SYT1: variants seen among roughly 807,000 people sequenced by gnomAD.
SYT1 encodes the protein synaptotagmin-1.
Under a neutral mutation model 44.8 loss-of-function variants are expected in SYT1, and 8 were observed. That is an observed-to-expected ratio of 0.18 (90% CI 0.10 to 0.32). SYT1 has a LOEUF of 0.32. Ranked by LOEUF, SYT1 falls within the 10% of genes least tolerant of loss-of-function variation. The pLI is 1.00. For synonymous variants in SYT1, 154 were observed against 188.8 expected, an observed-to-expected ratio of 0.82 and a Z score of 1.51; for missense variants, 286 against 509.3, an observed-to-expected ratio of 0.56 and a Z score of 4.22.
intron 3 of SYT1, among the ~76,000 whole-genome samples, chr12:79,207,688 A>G (rs1284024555): frequency 2.0e-5 from 3 of 152,240 alleles, no homozygotes; most frequent in East Asian, 3.8e-4. Context: ...AAACAAATCT[A>G]GAAAAAAATG....
chr12:78,964,329 C>T (rs1321330000), intron 1 of SYT1, among the ~76,000 whole-genome samples: 2 of 152,086 alleles, frequency 1.3e-5, no homozygotes, highest in African/African-American at 4.8e-5. Flanking sequence ...CTTAAAGCTT[C>T]CCTTTCTTAT....
intron 1 of SYT1, among the ~76,000 whole-genome samples, chr12:78,932,876 A>C (rs11610699): frequency 0.047 from 7,231 of 152,236 alleles, 219 homozygotes; most frequent in Admixed American, 0.083. Flanking sequence ...CATCATTTCA[A>C]TTATAGGCGC....
At chr12:79,052,710 G>A (rs1156232926) in intron 3 of SYT1, among the ~76,000 whole-genome samples, 35 of 152,034 alleles carry the variant, frequency 2.3e-4, no homozygotes, top group East Asian at 1.9e-3. Context: ...ATGAACAGAC[G>A]CTTCTCAAAA....
chr12:79,233,862 A>G (rs554915344), intron 4 of SYT1, among the ~76,000 whole-genome samples: 1 of 152,350 alleles, frequency 6.6e-6, no homozygotes, highest in South Asian at 2.1e-4. Flanking sequence ...CAATTACAGG[A>G]AAACATATAG....
chr12:78,973,941 ATATATATATATATATATATAT>A (rs1565744029), intron 1 of SYT1, among the ~76,000 whole-genome samples: 222 of 10,746 alleles, frequency 0.021, 30 homozygotes, highest in South Asian at 0.026. Flanking sequence ...AAAAAAAAAT[ATATATATATATATATATATAT>A]ATATATATAT....
At chr12:79,099,711 T>A (rs890803746) in intron 3 of SYT1, among the ~76,000 whole-genome samples, 1 of 152,192 alleles carries the variant, frequency 6.6e-6, no homozygotes, top group Admixed American at 6.5e-5. Flanking sequence ...CTGGTATACT[T>A]TGAAATAAAT....
chr12:78,962,228 T>C (rs1879541948), intron 1 of SYT1, among the ~76,000 whole-genome samples: 1 of 152,046 alleles, frequency 6.6e-6, no homozygotes, highest in Admixed American at 6.6e-5. Flanking sequence ...CAAACATACA[T>C]ATGAACTATC....
intron 3 of SYT1, among the ~76,000 whole-genome samples, chr12:79,179,387 G>GATATCGATATCC (rs1872282546): frequency 2.8e-4 from 1 of 3,616 alleles, no homozygotes; most frequent in Non-Finnish European, 5.2e-4. Flanking sequence ...TAGATATATC[G>GATATCGATATCC]ATATAGATAT....
chr12:79,053,118 C>A (rs1199406563), intron 3 of SYT1, among the ~76,000 whole-genome samples: 1 of 152,014 alleles, frequency 6.6e-6, no homozygotes, highest in African/African-American at 2.4e-5. Flanking sequence ...AAATGTCCAA[C>A]AATGATAGAC....
At chr12:79,325,578 G>A (rs1385690937) in intron 8 of SYT1, among the ~76,000 whole-genome samples, 1 of 152,122 alleles carries the variant, frequency 6.6e-6, no homozygotes, top group Non-Finnish European at 1.5e-5. Context: ...TCATTTCTGT[G>A]AAACTTACAG....
At chr12:79,119,517 G>T (rs1203937987) in intron 3 of SYT1, among the ~76,000 whole-genome samples, 1 of 151,832 alleles carries the variant, frequency 6.6e-6, no homozygotes, top group Non-Finnish European at 1.5e-5. Context: ...AGCTGAGAAG[G>T]TCCTTCTTAT....
chr12:79,262,172 T>C (rs144253545), intron 4 of SYT1, among the ~76,000 whole-genome samples: 6 of 152,224 alleles, frequency 3.9e-5, no homozygotes, highest in Non-Finnish European at 8.8e-5. Flanking sequence ...TTCTGGTCAG[T>C]TGTAGTTAAC....
intron 8 of SYT1, among the ~76,000 whole-genome samples, chr12:79,352,151 A>G (rs942018031): frequency 2.0e-5 from 3 of 151,072 alleles, no homozygotes; most frequent in Middle Eastern, 3.4e-3. Context: ...AAAAATTACA[A>G]TCTTTCTCTT....
intron 1 of SYT1, among the ~76,000 whole-genome samples, chr12:78,886,612 G>A (rs1342573776): frequency 6.6e-6 from 1 of 151,970 alleles, no homozygotes; most frequent in Admixed American, 6.6e-5. Context: ...TACTCCTGAT[G>A]TTTTTAATAC....
At chr12:78,999,004 C>T (rs1870555255) in intron 2 of SYT1, among the ~76,000 whole-genome samples, 1 of 152,052 alleles carries the variant, frequency 6.6e-6, no homozygotes, top group Non-Finnish European at 1.5e-5. Flanking sequence ...AAAAAGGTCT[C>T]GTTTGTAGAT....
intron 1 of SYT1, among the ~76,000 whole-genome samples, chr12:78,904,932 T>C (rs929213423): frequency 2.6e-5 from 4 of 152,198 alleles, no homozygotes; most frequent in African/African-American, 9.6e-5. Flanking sequence ...TTTAATAGTT[T>C]GTAATATTGT....
chr12:78,926,949 A>G (rs976137442), intron 1 of SYT1, among the ~76,000 whole-genome samples: 2 of 152,148 alleles, frequency 1.3e-5, no homozygotes, highest in Non-Finnish European at 2.9e-5. Flanking sequence ...AAGTATCTTA[A>G]TAGATACTTA....
At chr12:79,144,385 T>G (rs1160365846) in intron 3 of SYT1, among the ~76,000 whole-genome samples, 1 of 152,248 alleles carries the variant, frequency 6.6e-6, no homozygotes, top group Non-Finnish European at 1.5e-5. Flanking sequence ...CATTTTTCAG[T>G]AAGACGCTTC....
chr12:78,941,180 C>T (rs1331290177), intron 1 of SYT1, among the ~76,000 whole-genome samples: 1 of 148,136 alleles, frequency 6.8e-6, no homozygotes, highest in Non-Finnish European at 1.5e-5. Context: ...TCACGCCATT[C>T]TTCTGCCTCA....
Sources: allele counts gnomAD v4.1 joint callset (sites outside exome capture counted in the v4.1 genomes callset), GRCh38; gene constraint gnomAD v4.1.1; transcripts MANE v1.5; gene names NCBI Gene and HGNC (gene_info 2026-07-23, HGNC 2026-07-21).